Variants in TMEM178B observed in about 807,000 individuals in gnomAD.
TMEM178B encodes transmembrane protein 178B.
In TMEM178B, 5 loss-of-function variants were observed where a neutral mutation model predicts 31.0. The ratio of observed to expected loss-of-function variants is 0.16; its 90% confidence interval spans 0.08 to 0.34. The LOEUF is 0.34. Ranked by LOEUF, TMEM178B falls within the 10% of genes least tolerant of loss-of-function variation. TMEM178B has a pLI of 1.00. For missense variants in TMEM178B, 275 were observed against 400.3 expected (o/e 0.69, Z 2.67); for synonymous variants, 164 against 164.0 (o/e 1.00, Z 0.00).
At chr7:141,341,563 T>C (rs773078820) in intron 2 of TMEM178B, among the ~76,000 whole-genome samples, 19 of 152,300 alleles carry the variant, frequency 1.2e-4, no homozygotes, top group Non-Finnish European at 2.2e-4. Context: ...GGAAGATCCT[T>C]CTAAACCACG....
chr7:141,438,875 C>CAAA (rs764682650), intron 3 of TMEM178B, among the ~76,000 whole-genome samples: 4 of 132,742 alleles, frequency 3.0e-5, no homozygotes, highest in Admixed American at 7.6e-5. Context: ...GATTCCGTCT[C>CAAA]AAAAAAAAAG....
intron 2 of TMEM178B, among the ~76,000 whole-genome samples, chr7:141,242,910 G>A (rs1414381207): frequency 6.6e-6 from 1 of 151,956 alleles, no homozygotes. Context: ...CCTGTCTCCT[G>A]TCTTTATGTC....
intron 2 of TMEM178B, among the ~76,000 whole-genome samples, chr7:141,348,904 CTCATGACAGAGTGACTGGCGGGGT>C (rs1799663314): frequency 6.6e-6 from 1 of 152,106 alleles, no homozygotes; most frequent in African/African-American, 2.4e-5. Flanking sequence ...ACTGGCGGAG[CTCATGACAGAGTGACTGGCGGGGT>C]TCATGACTGG....
At chr7:141,490,077 C>A in the TMEM178B span, among the ~76,000 whole-genome samples, 1 of 152,154 alleles carries the variant, frequency 6.6e-6, no homozygotes, top group Admixed American at 6.5e-5. Flanking sequence ...TGAGGAGGGG[C>A]TCCTAGGAGA....
chr7:141,176,317 C>T (rs1464765616), intron 1 of TMEM178B, among the ~76,000 whole-genome samples: 1 of 152,144 alleles, frequency 6.6e-6, no homozygotes, highest in Admixed American at 6.5e-5. Flanking sequence ...CTGACTTGAT[C>T]ATGGTGGATA....
At chr7:141,292,685 TG>T (rs1317076587) in intron 2 of TMEM178B, among the ~76,000 whole-genome samples, 2 of 139,084 alleles carry the variant, frequency 1.4e-5, no homozygotes, top group African/African-American at 5.3e-5. Flanking sequence ...TCACCCAGGC[TG>T]GAGCACACTG....
chr7:141,294,230 T>C (rs1003569804), intron 2 of TMEM178B, among the ~76,000 whole-genome samples: 5 of 152,182 alleles, frequency 3.3e-5, no homozygotes, highest in African/African-American at 9.7e-5. Flanking sequence ...TCTACAAGTA[T>C]TAGTTGCAAT....
At chr7:141,264,217 C>A (rs541047116) in intron 2 of TMEM178B, among the ~76,000 whole-genome samples, 4 of 152,358 alleles carry the variant, frequency 2.6e-5, no homozygotes, top group African/African-American at 9.6e-5. Flanking sequence ...TCACATCATA[C>A]TAACTGCATG....
At chr7:141,295,914 GGT>G (rs1450140759) in intron 2 of TMEM178B, among the ~76,000 whole-genome samples, 1 of 152,166 alleles carries the variant, frequency 6.6e-6, no homozygotes, top group Non-Finnish European at 1.5e-5. Flanking sequence ...CAATGCTAAT[GGT>G]GTCTGGTTTG....
Position 141,438,870 on chromosome 7 carries a change from C to T in TMEM178B, c.634+1125C>T, listed in dbSNP as rs558172677. On this transcript the variant is annotated intron_variant, in intron 3 of 3. Coordinates refer to ENST00000565468, the MANE Select transcript of TMEM178B (RefSeq NM_001195278.2). ...CAACCTTGGTGATAGAGCAAGATTC[C>T]GTCTCAAAAAAAAAGAAAGAAAAAG... Among the ~76,000 whole-genome samples, 39 of 60,080 alleles carry T rather than the reference C, an allele frequency of 6.5e-4. 1 individual carries two copies. In the East Asian group the frequency reaches 7.6e-3, roughly 12 times the overall value. The allele number at this position is 60,080 out of a possible 152,430, so 39.4% of individuals were successfully genotyped here.
At chr7:141,303,073 A>G (rs1798754860) in intron 2 of TMEM178B, among the ~76,000 whole-genome samples, 1 of 152,180 alleles carries the variant, frequency 6.6e-6, no homozygotes, top group Non-Finnish European at 1.5e-5. Flanking sequence ...TTAAATGGCT[A>G]ACCAATTTGC....
chr7:141,259,875 G>A (rs1245584252), intron 2 of TMEM178B, among the ~76,000 whole-genome samples: 1 of 152,064 alleles, frequency 6.6e-6, no homozygotes, highest in Non-Finnish European at 1.5e-5. Flanking sequence ...GGTCTCCCTG[G>A]CTTTTACTTT....
At chr7:141,280,963 A>G (rs1333357562) in intron 2 of TMEM178B, among the ~76,000 whole-genome samples, 1 of 152,198 alleles carries the variant, frequency 6.6e-6, no homozygotes, top group Non-Finnish European at 1.5e-5. Context: ...AAAGTGAACT[A>G]TTTCAGGGAA....
At chr7:141,182,382 C>T (rs1422492800) in intron 1 of TMEM178B, among the ~76,000 whole-genome samples, 2 of 152,164 alleles carry the variant, frequency 1.3e-5, no homozygotes, top group Non-Finnish European at 2.9e-5. Flanking sequence ...AGGTCTCAAA[C>T]TTATTATACT....
At chr7:141,295,679 A>G (rs1334616761) in intron 2 of TMEM178B, among the ~76,000 whole-genome samples, 1 of 152,176 alleles carries the variant, frequency 6.6e-6, no homozygotes, top group Admixed American at 6.5e-5. Context: ...CAGGGGGCCA[A>G]TTCCTCTGCT....
chr7:141,165,063 C>A (rs772842132), intron 1 of TMEM178B, among the ~76,000 whole-genome samples: 11 of 152,170 alleles, frequency 7.2e-5, no homozygotes, highest in Non-Finnish European at 1.0e-4. Flanking sequence ...CTTCCTTTAA[C>A]TTTCCCTAAT....
intron 1 of TMEM178B, among the ~76,000 whole-genome samples, chr7:141,201,808 G>A (rs1235602820): frequency 6.6e-6 from 1 of 152,148 alleles, no homozygotes; most frequent in African/African-American, 2.4e-5. Flanking sequence ...CAAACATTTT[G>A]TCTTACTCTG....
At chr7:141,363,375 G>A (rs1468381) in intron 2 of TMEM178B, among the ~76,000 whole-genome samples, 4,003 of 152,256 alleles carry the variant, frequency 0.026, 167 homozygotes, top group African/African-American at 0.091. Flanking sequence ...TCAAGATATC[G>A]TAACTTAGTT....
chr7:141,141,811 A>G (rs1454323852), intron 1 of TMEM178B, among the ~76,000 whole-genome samples: 1 of 152,224 alleles, frequency 6.6e-6, no homozygotes, highest in Non-Finnish European at 1.5e-5. Flanking sequence ...GAAAAGTTAG[A>G]CTGATTAAAA....
Sources: gnomAD v4.1 joint callset for allele counts (sites outside exome capture counted in the v4.1 genomes callset) on GRCh38, gnomAD v4.1.1 for gene constraint, MANE v1.5 for transcripts, NCBI Gene and HGNC (gene_info 2026-07-23, HGNC 2026-07-21) for gene names.